The following DMD variants were observed in gnomAD, a reference collection of about 807,000 sequenced individuals.
The protein encoded by DMD is dystrophin, also known as mutant dystrophin.
A neutral mutation model predicts 330.1 loss-of-function variants in DMD; 63 were observed. The ratio of observed to expected loss-of-function variants is 0.19; its 90% CI spans 0.16 to 0.24. DMD has a LOEUF of 0.24. Among genes scored for constraint, DMD ranks in the 10% least tolerant of loss-of-function variants. The probability of loss-of-function intolerance (pLI) is 1.00; values close to 1 mark genes in which losing one functional copy is unlikely to be tolerated. For synonymous variants in DMD, 1,223 were observed against 959.8 expected (o/e 1.27, Z -5.07); for missense variants, 3,344 against 2,684.1 (o/e 1.25, Z -5.43).
intron 2 of DMD, among the ~76,000 whole-genome samples, chrX:32,851,059 A>G (rs2081098617): frequency 8.9e-6 from 1 of 112,103 alleles, no homozygotes; most frequent in African/African-American, 3.2e-5. Flanking sequence ...TGGGTCTAAC[A>G]TTAGCCTTTG....
Position 32,491,263 on chromosome X carries a change from G to A in DMD, c.2622+14C>T. The A allele has an allele frequency of 1.7e-6, 2 of 1,210,946 alleles. No individual in the cohort carries two copies. Among genetic ancestry groups the A allele is most frequent in the Admixed American group, 2.2e-5 (1 of 46,048 alleles). The stretch of plus-strand genomic sequence containing the variant: ...ATTGATTATGCTCCAAATGGAAGGA[G>A]AAGAGATTCTTACCTTACAAATTTT... On this transcript the variant is annotated intron_variant, in intron 20 of 78. Transcript: ENST00000357033.
At position 33,265,468 on chromosome X, in the gene DMD, G is replaced by A. The variant is rs781758977; in HGVS notation, c.7+73791C>T. 2.5e-3 allele frequency among the ~76,000 whole-genome samples: 280 copies of A among 111,316 alleles called. 1 individual carries two copies. Among genetic ancestry groups the A allele is most frequent in the Non-Finnish European group, 3.8e-3 (201 of 52,899 alleles). On this transcript the variant is annotated intron_variant, in intron 1 of 17. Coordinates refer to the DMD transcript ENST00000288447. ...TTTGTATAAACTGCTGAGAATTTAC[G>A]TTAATGTCTTTTACTTCTTCTTTTT...
intron 63 of DMD, among the ~76,000 whole-genome samples, chrX:31,254,721 T>A (rs932408338): frequency 4.5e-5 from 5 of 111,256 alleles, no homozygotes; most frequent in African/African-American, 1.6e-4. Flanking sequence ...CTTGATTACT[T>A]AAATTTGTAG....
At position 31,703,661 on chromosome X, in the gene DMD, A is replaced by G. The variant is rs1367371192; in HGVS notation, c.7661-24075T>C. ...AATATGCAATATATAAACAAAATAA[A>G]CACATACATTTAGTCAATGCTATGA... On this transcript the variant is annotated intron_variant, in intron 52 of 78. Transcript: ENST00000357033. Among the ~76,000 whole-genome samples the G allele has an allele frequency of 2.7e-5, 3 of 112,033 alleles. No homozygotes were observed. In the Admixed American group the frequency reaches 2.9e-4, roughly 11 times the overall value.
chrX:32,679,278 C>T (rs1303289121), intron 9 of DMD, among the ~76,000 whole-genome samples: 1 of 107,639 alleles, frequency 9.3e-6, no homozygotes, highest in African/African-American at 3.4e-5. Flanking sequence ...AAGATCAGAA[C>T]AAAAGTAAAT....
chrX:32,631,850 T>C (rs1430005587), intron 11 of DMD, among the ~76,000 whole-genome samples: 4 of 111,309 alleles, frequency 3.6e-5, no homozygotes, highest in Non-Finnish European at 7.5e-5. Context: ...GTGAGGATTG[T>C]AATTCAATGT....
chrX:31,316,723 C>T (rs780935766), intron 62 of DMD, among the ~76,000 whole-genome samples: 3 of 112,153 alleles, frequency 2.7e-5, no homozygotes, highest in Non-Finnish European at 5.6e-5. Context: ...ACTCAGGTAA[C>T]GTGACCTTTG....
At chrX:31,547,608 G>C (rs1382788704) in intron 55 of DMD, among the ~76,000 whole-genome samples, 1 of 111,690 alleles carries the variant, frequency 9.0e-6, no homozygotes, top group African/African-American at 3.3e-5. Flanking sequence ...TAGTGCATGG[G>C]GTTAAATTTC....
intron 11 of DMD, among the ~76,000 whole-genome samples, chrX:32,643,291 A>G (rs750285786): frequency 9.1e-6 from 1 of 110,435 alleles, no homozygotes; most frequent in East Asian, 2.8e-4. Context: ...ATAATTTAGT[A>G]CTGGAATACC....
At chrX:32,099,742 T>G (rs1159733861) in intron 44 of DMD, among the ~76,000 whole-genome samples, 1 of 52,978 alleles carries the variant, frequency 1.9e-5, no homozygotes, top group African/African-American at 8.1e-5. Flanking sequence ...GGAACTGTTG[T>G]GGGGTGGGGG....
chrX:31,506,666 G>C (rs1235183958), intron 56 of DMD, among the ~76,000 whole-genome samples: 1 of 111,915 alleles, frequency 8.9e-6, no homozygotes, highest in Non-Finnish European at 1.9e-5. Flanking sequence ...AAGAAAGCTG[G>C]CACATAGAAG....
intron 7 of DMD, among the ~76,000 whole-genome samples, chrX:32,746,172 A>T (rs999056162): frequency 8.9e-6 from 1 of 111,845 alleles, no homozygotes; most frequent in Admixed American, 9.5e-5. Flanking sequence ...GCATATTCCC[A>T]TGTTTAGACA....
At chrX:31,813,772 A>G (rs2087132663) in intron 50 of DMD, among the ~76,000 whole-genome samples, 1 of 111,869 alleles carries the variant, frequency 8.9e-6, no homozygotes. Flanking sequence ...TCCTACAGGC[A>G]GAGAAAGGAC....
At chrX:32,362,665 T>G in intron 37 of DMD, 123 bp downstream of exon 37, 1 of 771,796 alleles carries the variant, frequency 1.3e-6, no homozygotes. Context: ...TTAAATACAT[T>G]TTGGCATTCA....
intron 67 of DMD, among the ~76,000 whole-genome samples, chrX:31,186,802 C>T (rs763026450): frequency 1.8e-5 from 2 of 112,872 alleles, no homozygotes; most frequent in African/African-American, 3.2e-5. Flanking sequence ...CATGGCACCA[C>T]AGAGCTGTAA....
intron 42 of DMD, among the ~76,000 whole-genome samples, chrX:32,306,402 T>A (rs1010649356): frequency 2.7e-5 from 3 of 111,064 alleles, no homozygotes; most frequent in Non-Finnish European, 5.7e-5. Context: ...TCCCTTGTGG[T>A]CTCGAACTTG....
rs756878972 is a variant in DMD at position 32,601,239 on chromosome X, G to A, written c.1483-5363C>T. ...AGCTTTCCATGAAGATCTATTTACG[G>A]TATATAACTTTGTTATAAATTTGCT... On this transcript the variant is annotated intron_variant, in intron 12 of 78. Coordinates refer to ENST00000357033, the MANE Select transcript of DMD (RefSeq NM_004006.3). Among the ~76,000 whole-genome samples the A allele has an allele frequency of 1.1e-3, 125 of 111,403 alleles. 1 individual carries two copies. The highest frequency in any genetic ancestry group is 1.2e-3 in the Non-Finnish European group (62 of 52,922).
intron 51 of DMD, among the ~76,000 whole-genome samples, chrX:31,759,710 TA>T (rs1429154345): frequency 8.9e-6 from 1 of 111,851 alleles, no homozygotes; most frequent in Non-Finnish European, 1.9e-5. Context: ...TTTTTATAAA[TA>T]AAATGATTTC....
chrX:32,291,411 A>C (rs1198608949), intron 42 of DMD, among the ~76,000 whole-genome samples: 1 of 111,956 alleles, frequency 8.9e-6, no homozygotes, highest in Non-Finnish European at 1.9e-5. Flanking sequence ...ATATTCTCTC[A>C]TGAGAACTTT....
Sources: allele counts gnomAD v4.1 joint callset (sites outside exome capture counted in the v4.1 genomes callset), GRCh38; gene constraint gnomAD v4.1.1; transcripts MANE v1.5; gene names NCBI Gene and HGNC (gene_info 2026-07-23, HGNC 2026-07-21).